GRIK4: variants seen among roughly 807,000 people sequenced by gnomAD.
GRIK4 encodes the protein glutamate receptor ionotropic, kainate 4.
In GRIK4, 40 loss-of-function variants were observed where a neutral mutation model predicts 104.9. The ratio of observed to expected loss-of-function variants is 0.38; its 90% confidence interval spans 0.30 to 0.50. The LOEUF (loss-of-function observed/expected upper bound fraction) is 0.50. Ranked by LOEUF, GRIK4 falls within the 20% of genes least tolerant of loss-of-function variation. The probability of loss-of-function intolerance (pLI) is 0.93; values close to 1 mark genes in which losing one functional copy is unlikely to be tolerated. For missense variants in GRIK4, 1,047 were observed against 1,308.1 expected, an observed-to-expected ratio of 0.80 and a Z score of 3.08; for synonymous variants, 485 against 524.9, an observed-to-expected ratio of 0.92 and a Z score of 1.04.
Position 120,915,124 on chromosome 11 carries a change from T to C in GRIK4, c.1476+9631T>C, listed in dbSNP as rs182710799. 3.5e-3 allele frequency among the ~76,000 whole-genome samples: 528 copies of C among 152,248 alleles called. 5 individuals are homozygous for C. Among genetic ancestry groups the C allele is most frequent in the Middle Eastern group, 0.024 (7 of 294 alleles). ...CTTTCTACAATGGCTCCTTGAGAGA[T>C]GCATGCCACATAGCGATCCCTGCAT... On this transcript the variant is annotated intron_variant, in intron 13 of 20. Transcript: ENST00000527524.
At position 120,513,915 on chromosome 11, in the gene GRIK4, C is replaced by T. The variant is rs956258552; in HGVS notation, c.-159+2028C>T. On this transcript the variant is annotated intron_variant, in intron 1 of 20. Coordinates refer to ENST00000527524, the MANE Select transcript of GRIK4 (RefSeq NM_014619.5). The surrounding 1 kb of genome is among the most constrained non-coding windows in gnomAD (Gnocchi z 4.5). ...TTCTTCCGAGAGCCTGGGTCGGCTT[C>T]GTGGTCTGATTTCCACTTTGGTTTT... Among the ~76,000 whole-genome samples the T allele has an allele frequency of 2.6e-5, 4 of 152,188 alleles. No individual in the cohort carries two copies. The highest frequency in any genetic ancestry group is 9.7e-5 in the African/African-American group (4 of 41,440).
chr11:120,908,581 CAG>C, intron 13 of GRIK4, among the ~76,000 whole-genome samples: 1 of 152,190 alleles, frequency 6.6e-6, no homozygotes, highest in South Asian at 2.1e-4. Context: ...TCCACAGACA[CAG>C]AGGTGAGGGA....
At chr11:120,632,489 C>A (rs994442323) in intron 1 of GRIK4, among the ~76,000 whole-genome samples, 1 of 152,050 alleles carries the variant, frequency 6.6e-6, no homozygotes, top group Non-Finnish European at 1.5e-5. Context: ...TCAGGCTGGA[C>A]CCTGCTCACT....
chr11:120,548,715 C>T (rs1427342199), intron 1 of GRIK4, among the ~76,000 whole-genome samples: 1 of 152,118 alleles, frequency 6.6e-6, no homozygotes, highest in African/African-American at 2.4e-5. Context: ...AGAGCAAACA[C>T]CCCAGAGCAG....
At chr11:120,966,378 A>G (rs752458202) in intron 18 of GRIK4, among the ~76,000 whole-genome samples, 2 of 152,162 alleles carry the variant, frequency 1.3e-5, no homozygotes, top group Non-Finnish European at 2.9e-5. Flanking sequence ...TAATTAATTT[A>G]TTTATTTTTG....
chr11:120,814,806 A>C (rs969726660), intron 4 of GRIK4, among the ~76,000 whole-genome samples: 4 of 152,156 alleles, frequency 2.6e-5, no homozygotes, highest in Non-Finnish European at 5.9e-5. Context: ...TGACAGATGA[A>C]ACTTCTTTCT....
At chr11:120,798,307 C>T (rs1013630630) in intron 3 of GRIK4, among the ~76,000 whole-genome samples, 149 of 151,364 alleles carry the variant, frequency 9.8e-4, no homozygotes, top group African/African-American at 3.4e-3. Flanking sequence ...TACAGGTGCC[C>T]GACACCACAC....
chr11:120,753,367 G>A (rs1951595823), intron 3 of GRIK4, among the ~76,000 whole-genome samples: 1 of 151,544 alleles, frequency 6.6e-6, no homozygotes. Context: ...GGAAGACAAA[G>A]TGAATTAGGG....
chr11:120,633,592 A>C (rs1427310338), intron 1 of GRIK4, among the ~76,000 whole-genome samples: 1 of 152,226 alleles, frequency 6.6e-6, no homozygotes, highest in Non-Finnish European at 1.5e-5. Context: ...TTGTTTATTA[A>C]TAAAGATAAA....
chr11:120,628,588 TG>T (rs1449270952), intron 1 of GRIK4, among the ~76,000 whole-genome samples: 2 of 152,172 alleles, frequency 1.3e-5, no homozygotes, highest in Non-Finnish European at 2.9e-5. Flanking sequence ...GAAAGGTTGA[TG>T]GTCATGATGA....
rs1944744477 is a variant in GRIK4, at chr11:120,986,132, G to A, written c.2743G>A (p.Gly915Ser). The A allele has an allele frequency of 1.6e-5, 24 of 1,524,538 alleles. No individual in the cohort carries two copies. In the East Asian group the frequency reaches 1.8e-4, roughly 12 times the overall value. The allele number at this position is 1,524,538 out of a possible 1,614,324, so 94.4% of individuals were successfully genotyped here. The change falls in exon 21 of 21, where the codon GGC (glycine) becomes AGC (serine). Residue 915 changes from glycine (G) to serine (S), a missense_variant. Physicochemically the swap from Gly to Ser is moderately conservative, Grantham distance 56. Around this residue, in one of 3 missense-constraint regions of GRIK4, gnomAD observed 160 missense variants for 140.9 expected, o/e 1.14. Coordinates refer to ENST00000527524, the MANE Select transcript of GRIK4 (RefSeq NM_014619.5). Reference protein sequence around the residue: ...LAQEAALVARGCTHIRVCPEC... With the variant: ...LAQEAALVARSCTHIRVCPEC... The stretch of plus-strand genomic sequence containing the variant: ...GCAGGAGGCCGCCCTGGTGGCCCGC[G>A]GCTGCACGCACATCCGCGTCTGCCC...
At chr11:120,760,015 CTT>C (rs1398358543) in intron 3 of GRIK4, among the ~76,000 whole-genome samples, 2 of 151,914 alleles carry the variant, frequency 1.3e-5, no homozygotes, top group Non-Finnish European at 2.9e-5. Flanking sequence ...ATATAACACA[CTT>C]TATATTAGAG....
chr11:120,919,917 G>A (rs923532909), intron 13 of GRIK4, among the ~76,000 whole-genome samples: 2 of 152,068 alleles, frequency 1.3e-5, no homozygotes, highest in East Asian at 1.9e-4. Context: ...AGCTTTAGAC[G>A]GCAGAGATAA....
chr11:120,674,595 C>G (rs1950070422), intron 3 of GRIK4, among the ~76,000 whole-genome samples: 1 of 152,232 alleles, frequency 6.6e-6, no homozygotes, highest in Non-Finnish European at 1.5e-5. Context: ...TTGTTCCCAT[C>G]CTTTCTAGCA....
At chr11:120,914,377 A>C (rs974415034) in intron 13 of GRIK4, among the ~76,000 whole-genome samples, 2 of 152,158 alleles carry the variant, frequency 1.3e-5, no homozygotes, top group Non-Finnish European at 2.9e-5. Context: ...ACAATAACTG[A>C]ATGTGGCAGG....
intron 3 of GRIK4, among the ~76,000 whole-genome samples, chr11:120,757,046 T>G: frequency 6.6e-6 from 1 of 152,246 alleles, no homozygotes; most frequent in East Asian, 1.9e-4. Flanking sequence ...CGTGAGTGTC[T>G]TTTCTCACTG....
At chr11:120,706,182 A>G (rs917969290) in intron 3 of GRIK4, among the ~76,000 whole-genome samples, 11 of 152,152 alleles carry the variant, frequency 7.2e-5, no homozygotes, top group African/African-American at 2.7e-4. Context: ...CCTGAAGTCC[A>G]TGGCTCTCCT....
chr11:120,809,689 G>A (rs760116544), intron 4 of GRIK4, among the ~76,000 whole-genome samples: 8 of 152,216 alleles, frequency 5.3e-5, no homozygotes, highest in Non-Finnish European at 1.0e-4. Context: ...ATTGACACAC[G>A]TGTATGAGAA....
At position 120,665,118 on chromosome 11, in the gene GRIK4, T is replaced by C. The variant is rs140037947; in HGVS notation, c.82+4718T>C. ...ATAAAGATAAAGATAATAGGAGAAT[T>C]GGGGGAGACAAGGGAAAAGGATAAA... On this transcript the variant is annotated intron_variant, in intron 3 of 20. Coordinates refer to ENST00000527524, the MANE Select transcript of GRIK4 (RefSeq NM_014619.5). Among the ~76,000 whole-genome samples the C allele has an allele frequency of 6.7e-3, 1,020 of 152,078 alleles. 7 individuals carry two copies. Among genetic ancestry groups the C allele is most frequent in the Non-Finnish European group, 0.012 (797 of 67,978 alleles).
Sources: gnomAD v4.1 joint callset for allele counts (sites outside exome capture counted in the v4.1 genomes callset) on GRCh38, gnomAD v4.1.1 for gene constraint, gnomAD v4.1.1 regional missense constraint, Gnocchi (gnomAD v3.1) non-coding constraint, MANE v1.5 for transcripts, NCBI Gene and HGNC (gene_info 2026-07-23, HGNC 2026-07-21) for gene names.